NSRP1: variants seen among roughly 807,000 people sequenced by gnomAD.
The protein encoded by NSRP1 is coiled-coil domain containing 55.
A neutral mutation model predicts 54.7 loss-of-function variants in NSRP1; 24 were observed. The ratio of observed to expected loss-of-function variants is 0.44; its 90% CI spans 0.32 to 0.62. The LOEUF is 0.62. NSRP1 is among the 20% of genes least tolerant of loss of function. The probability of loss-of-function intolerance (pLI) is 0.06; values close to 1 mark genes in which losing one functional copy is unlikely to be tolerated. For synonymous variants in NSRP1, 210 were observed against 213.8 expected (o/e 0.98, Z 0.15); for missense variants, 596 against 651.2 (o/e 0.92, Z 0.92).
chr17:30,138,851 C>G (rs1316001010), intron 2 of NSRP1, among the ~76,000 whole-genome samples: 1 of 140,692 alleles, frequency 7.1e-6, no homozygotes, highest in Non-Finnish European at 1.5e-5. Flanking sequence ...TGGGTATTGA[C>G]TGTTTTATTT....
chr17:30,136,042 G>A (rs1285523051), intron 2 of NSRP1, among the ~76,000 whole-genome samples: 5 of 151,814 alleles, frequency 3.3e-5, no homozygotes, highest in African/African-American at 9.7e-5. Context: ...GTGAAACCAC[G>A]TCTCTACTAA....
chr17:30,184,849 G>C lies in NSRP1; in HGVS notation c.852G>C (p.Arg284Ser), dbSNP rs1905454983. 6.2e-7 allele frequency: 1 copy of C among 1,614,092 alleles called. No individual in the cohort carries two copies. The highest frequency in any genetic ancestry group is 8.5e-7 in the Non-Finnish European group (1 of 1,180,024). ...CTGAGAATGACTTCAAGCACCACAG[G>C]AGTCAAAACCACTCTCGGTCACCTA... ...ETPENDFKHH[R>S]SQNHSRSPSE... The change falls in exon 7 of 7, where the codon AGG (arginine) becomes AGC (serine). Residue 284 changes from arginine to serine, a missense_variant. Arg to Ser is a moderately radical substitution (Grantham distance 110). Coordinates refer to ENST00000247026, the MANE Select transcript of NSRP1 (RefSeq NM_032141.4).
intron 2 of NSRP1, among the ~76,000 whole-genome samples, chr17:30,135,786 A>T (rs1314797012): frequency 6.6e-6 from 1 of 151,792 alleles, no homozygotes; most frequent in African/African-American, 2.4e-5. Flanking sequence ...CCAGTTTTTG[A>T]TGAGGACCGG....
chr17:30,145,946 C>T (rs2071851198), intron 2 of NSRP1, among the ~76,000 whole-genome samples: 1 of 152,124 alleles, frequency 6.6e-6, no homozygotes, highest in Non-Finnish European at 1.5e-5. Context: ...ATGTACGGGG[C>T]TCAAGCAATT....
At chr17:30,117,090 T>A (rs760469118) in intron 1 of NSRP1, 1 of 763,526 alleles carries the variant, frequency 1.3e-6, no homozygotes, top group African/African-American at 1.7e-5. Context: ...TAAAGGAAGT[T>A]AGGCTGAGGG....
rs563719871 is a variant in NSRP1 at position 30,181,604 on chromosome 17, T to G, written c.617+588T>G. Among the ~76,000 whole-genome samples, 668 of 149,238 alleles carry G rather than the reference T, an allele frequency of 4.5e-3. 3 individuals carry two copies. The highest frequency in any genetic ancestry group is 0.016 in the African/African-American group (649 of 40,896). On this transcript the variant is annotated intron_variant, in intron 6 of 6. Coordinates refer to ENST00000247026, the MANE Select transcript of NSRP1 (RefSeq NM_032141.4). ...GTTGTTGTTGTGTGTGTGGTTTTTT[T>G]TTTTTGTTTTTTTTTTTTTTAGATG...
At chr17:30,171,770 G>A (rs143864011) in intron 2 of NSRP1, among the ~76,000 whole-genome samples, 69 of 152,110 alleles carry the variant, frequency 4.5e-4, no homozygotes, top group African/African-American at 1.7e-3. Flanking sequence ...TTATTGCCAC[G>A]AATAGTTGCT....
At chr17:30,173,281 C>T (rs9889415) in intron 3 of NSRP1, among the ~76,000 whole-genome samples, 3,089 of 152,156 alleles carry the variant, frequency 0.02, 97 homozygotes, top group African/African-American at 0.07. Flanking sequence ...TTTTAAAAGA[C>T]GTGCTTGTTT....
intron 3 of NSRP1, among the ~76,000 whole-genome samples, chr17:30,175,633 C>G (rs7216494): frequency 0.5 from 74,893 of 151,228 alleles, 19,037 homozygotes; most frequent in East Asian, 0.81. Flanking sequence ...GCGCTCTCTT[C>G]ACCTCAGGAG....
chr17:30,141,762 G>A (rs949426903), intron 2 of NSRP1, among the ~76,000 whole-genome samples: 43 of 152,302 alleles, frequency 2.8e-4, no homozygotes, highest in Middle Eastern at 3.4e-3. Context: ...CAGCACTGTG[G>A]GAGGCCAAAG....
chr17:30,146,008 C>A (rs2071852152), intron 2 of NSRP1, among the ~76,000 whole-genome samples: 1 of 152,038 alleles, frequency 6.6e-6, no homozygotes, highest in Admixed American at 6.6e-5. Context: ...TGCCACCATG[C>A]CCAGCTAATT....
chr17:30,165,960 A>G (rs1904716191), intron 2 of NSRP1, among the ~76,000 whole-genome samples: 1 of 152,174 alleles, frequency 6.6e-6, no homozygotes, highest in African/African-American at 2.4e-5. Context: ...AAAGAGGAAT[A>G]TTGTTTGCAT....
At chr17:30,133,707 G>C (rs1435366770) in intron 2 of NSRP1, among the ~76,000 whole-genome samples, 1 of 152,158 alleles carries the variant, frequency 6.6e-6, no homozygotes, top group Non-Finnish European at 1.5e-5. Context: ...GTTGTTTATT[G>C]TAGCCACTTT....
chr17:30,152,153 G>A, intron 2 of NSRP1, among the ~76,000 whole-genome samples: 1 of 142,696 alleles, frequency 7.0e-6, no homozygotes, highest in East Asian at 2.1e-4. Context: ...AACAGAGTCT[G>A]TCTCTGTTGC....
intron 2 of NSRP1, among the ~76,000 whole-genome samples, chr17:30,141,915 G>T (rs779885114): frequency 7.9e-5 from 12 of 152,152 alleles, no homozygotes; most frequent in Non-Finnish European, 1.8e-4. Flanking sequence ...GAGGTGGGAG[G>T]ATCGCTTGAG....
intron 2 of NSRP1, among the ~76,000 whole-genome samples, 175 bp downstream of exon 2, chr17:30,118,348 T>G (rs2071562605): frequency 6.6e-6 from 1 of 152,232 alleles, no homozygotes; most frequent in South Asian, 2.1e-4. Context: ...TTTAAAGATT[T>G]TTTTCCCTCT....
intron 2 of NSRP1, among the ~76,000 whole-genome samples, chr17:30,121,098 G>T (rs2071592346): frequency 6.6e-6 from 1 of 152,096 alleles, no homozygotes; most frequent in African/African-American, 2.4e-5. Flanking sequence ...AGGGTATATA[G>T]GAAAAAATGT....
chr17:30,135,979 A>C (rs1597599352), intron 2 of NSRP1, among the ~76,000 whole-genome samples: 1 of 151,964 alleles, frequency 6.6e-6, no homozygotes, highest in Non-Finnish European at 1.5e-5. Flanking sequence ...TTGGTAGGCC[A>C]AGGCGGGTGG....
At chr17:30,171,604 G>C (rs1904935837) in intron 2 of NSRP1, among the ~76,000 whole-genome samples, 1 of 152,062 alleles carries the variant, frequency 6.6e-6, no homozygotes, top group Non-Finnish European at 1.5e-5. Flanking sequence ...ACCGCGCCTG[G>C]CCATATATTG....
Sources: gnomAD v4.1 joint callset for allele counts (sites outside exome capture counted in the v4.1 genomes callset) on GRCh38, gnomAD v4.1.1 for gene constraint, MANE v1.5 for transcripts, NCBI Gene and HGNC (gene_info 2026-07-23, HGNC 2026-07-21) for gene names.